ZNF423: variants seen among roughly 807,000 people sequenced by gnomAD.
The protein encoded by ZNF423 is Ebf-associated zinc finger protein.
A neutral mutation model predicts 95.8 loss-of-function variants in ZNF423; 12 were observed. That is an observed-to-expected ratio of 0.13 (90% CI 0.08 to 0.20). The LOEUF (loss-of-function observed/expected upper bound fraction) is 0.20, where lower values mean the gene tolerates loss of function less well. Among genes scored for constraint, ZNF423 ranks in the 10% least tolerant of loss-of-function variants. The pLI is 1.00. For synonymous variants in ZNF423, 749 were observed against 711.9 expected (o/e 1.05, Z -0.83); for missense variants, 1,316 against 1,737.1 (o/e 0.76, Z 4.31).
chr16:49,728,932 C>A lies in ZNF423; in HGVS notation c.301+1839G>T, dbSNP rs57895096. Among the ~76,000 whole-genome samples, 49 of 152,240 alleles carry A rather than the reference C, an allele frequency of 3.2e-4. 1 individual carries two copies. In the East Asian group the frequency reaches 9.5e-3, roughly 30 times the overall value. On this transcript the variant is annotated intron_variant, in intron 3 of 7. Coordinates refer to ENST00000563137, the MANE Select transcript of ZNF423 (RefSeq NM_001379286.1). Reference sequence around the variant, plus strand: ...ATTTTTAGTAGACATGGGGTTTTACCATATTGGCCAGGCTGGTCTTGGACT... The same window carrying A: ...ATTTTTAGTAGACATGGGGTTTTACAATATTGGCCAGGCTGGTCTTGGACT...
At chr16:49,601,767 C>T (rs1388457815) in intron 5 of ZNF423, among the ~76,000 whole-genome samples, 2 of 152,216 alleles carry the variant, frequency 1.3e-5, no homozygotes, top group Non-Finnish European at 2.9e-5. Flanking sequence ...GACCTGCAGG[C>T]GGTGCTCAGG....
chr16:49,813,692 T>C (rs1279714846), intron 1 of ZNF423, among the ~76,000 whole-genome samples: 1 of 152,296 alleles, frequency 6.6e-6, no homozygotes, highest in South Asian at 2.1e-4. Flanking sequence ...GGCTCCCCCT[T>C]GGCCTCCTGT....
At chr16:49,504,313 CCCAGCACCTTGGGAGG>C (rs1267257203) in intron 7 of ZNF423, among the ~76,000 whole-genome samples, 2 of 152,176 alleles carry the variant, frequency 1.3e-5, no homozygotes, top group African/African-American at 4.8e-5. Context: ...CACCTGTAAT[CCCAGCACCTTGGGAGG>C]CCAGCACTTT....
At chr16:49,534,545 G>A (rs960029935) in intron 5 of ZNF423, among the ~76,000 whole-genome samples, 11 of 152,236 alleles carry the variant, frequency 7.2e-5, no homozygotes, top group Middle Eastern at 3.4e-3. Context: ...GAGCTACCAC[G>A]CCCAGCCTGC....
At chr16:49,569,100 G>C (rs552357261) in intron 5 of ZNF423, among the ~76,000 whole-genome samples, 1 of 152,266 alleles carries the variant, frequency 6.6e-6, no homozygotes, top group African/African-American at 2.4e-5. Flanking sequence ...GACCAATCCT[G>C]TTTTCTCCAC....
intron 1 of ZNF423, among the ~76,000 whole-genome samples, chr16:49,835,374 C>T (rs1414262718): frequency 6.6e-6 from 1 of 152,216 alleles, no homozygotes; most frequent in African/African-American, 2.4e-5. Flanking sequence ...CAAGTCAGGC[C>T]TCATCACCGG....
chr16:49,757,528 T>C (rs117475606), intron 2 of ZNF423, among the ~76,000 whole-genome samples: 5,279 of 152,338 alleles, frequency 0.035, 131 homozygotes, highest in Non-Finnish European at 0.053. Context: ...TGACCCAGCA[T>C]TTGAAAATCA....
intron 5 of ZNF423, among the ~76,000 whole-genome samples, chr16:49,531,538 T>A (rs543516233): frequency 6.6e-6 from 1 of 152,150 alleles, no homozygotes; most frequent in African/African-American, 2.4e-5. Flanking sequence ...ACTCTGTCCT[T>A]TGTTTCCTGT....
chr16:49,769,955 C>G (rs534624688), intron 2 of ZNF423, among the ~76,000 whole-genome samples: 1 of 152,108 alleles, frequency 6.6e-6, no homozygotes, highest in African/African-American at 2.4e-5. Context: ...CACCCCAACA[C>G]AGCCGGCCCT....
chr16:49,578,484 A>C (rs1335275861), intron 5 of ZNF423, among the ~76,000 whole-genome samples: 1 of 151,842 alleles, frequency 6.6e-6, no homozygotes, highest in African/African-American at 2.4e-5. Flanking sequence ...AAATTGCTTC[A>C]CTCCGAGAGC....
At position 49,637,520 on chromosome 16, in the gene ZNF423, G is replaced by A; in HGVS notation, c.1656C>T (p.Gly552=). 1 of 1,614,114 alleles carries A rather than the reference G, an allele frequency of 6.2e-7. No individual in the cohort carries two copies. Among genetic ancestry groups the A allele is most frequent in the Non-Finnish European group, 8.5e-7 (1 of 1,180,022 alleles). Reference sequence around the variant, plus strand: ...CCACCGGAGACTCTAGTTTGGCACTGCCCACACTGCAGTGGGCCTGCTGGA... The same window carrying A: ...CCACCGGAGACTCTAGTTTGGCACTACCCACACTGCAGTGGGCCTGCTGGA... ...EHIQQAHCSV[G]SAKLESPVVQ... Residue 552 remains glycine (G), a synonymous_variant, in exon 4 of 8, where the codon GGC becomes GGT. Transcript: ENST00000563137. The surrounding 1 kb of genome is among the most constrained non-coding windows in gnomAD (Gnocchi z 5.6).
intron 3 of ZNF423, among the ~76,000 whole-genome samples, chr16:49,651,559 T>A (rs1055268615): frequency 6.6e-6 from 1 of 152,186 alleles, no homozygotes; most frequent in African/African-American, 2.4e-5. Flanking sequence ...CTCCCCCACT[T>A]ACTATGTGTG....
intron 3 of ZNF423, among the ~76,000 whole-genome samples, chr16:49,650,893 A>G (rs1596792126): frequency 6.6e-6 from 1 of 152,290 alleles, no homozygotes; most frequent in African/African-American, 2.4e-5. Flanking sequence ...CTGTCCTCCC[A>G]CTGGACAGTC....
intron 3 of ZNF423, among the ~76,000 whole-genome samples, chr16:49,677,290 A>T (rs994424419): frequency 1.1e-5 from 1 of 92,242 alleles, no homozygotes; most frequent in African/African-American, 4.2e-5. Context: ...AGAGAAGAGA[A>T]GAGAAGAGAA....
intron 1 of ZNF423, among the ~76,000 whole-genome samples, chr16:49,792,219 T>A (rs1281756387): frequency 6.6e-6 from 1 of 152,142 alleles, no homozygotes; most frequent in Non-Finnish European, 1.5e-5. Context: ...ACAAATAGTC[T>A]GCACACTTAC....
At chr16:49,498,425 A>G (rs899522320) in intron 7 of ZNF423, among the ~76,000 whole-genome samples, 2 of 152,246 alleles carry the variant, frequency 1.3e-5, no homozygotes, top group East Asian at 1.9e-4. Flanking sequence ...GCAGAAGCAC[A>G]GGGTATGTGC....
chr16:49,808,675 G>T (rs1303420693), intron 1 of ZNF423, among the ~76,000 whole-genome samples: 1 of 152,208 alleles, frequency 6.6e-6, no homozygotes, highest in African/African-American at 2.4e-5. Flanking sequence ...AGGGGCGGGG[G>T]ACATGCTGGC....
chr16:49,569,223 G>A (rs760899213), intron 5 of ZNF423, among the ~76,000 whole-genome samples: 1 of 152,184 alleles, frequency 6.6e-6, no homozygotes, highest in Non-Finnish European at 1.5e-5. Flanking sequence ...CAGGGAGGAT[G>A]AGCCTGTCCT....
chr16:49,767,577 C>A (rs957261956), intron 2 of ZNF423, among the ~76,000 whole-genome samples: 3 of 152,180 alleles, frequency 2.0e-5, no homozygotes, highest in African/African-American at 7.2e-5. Flanking sequence ...TCATCCACAA[C>A]TGATAAAAAA....
Sources: gnomAD v4.1 joint callset for allele counts (sites outside exome capture counted in the v4.1 genomes callset) on GRCh38, gnomAD v4.1.1 for gene constraint, Gnocchi (gnomAD v3.1) non-coding constraint, MANE v1.5 for transcripts, NCBI Gene and HGNC (gene_info 2026-07-23, HGNC 2026-07-21) for gene names.